The following CD2AP variants were observed in gnomAD, a reference collection of about 807,000 sequenced individuals.
CD2AP encodes CD2-associated protein.
In CD2AP, 46 loss-of-function variants were observed where a neutral mutation model predicts 85.1. The ratio of observed to expected loss-of-function variants is 0.54; its 90% CI spans 0.43 to 0.69. CD2AP has a LOEUF of 0.69. Ranked by LOEUF, CD2AP falls within the 30% of genes least tolerant of loss-of-function variation. The probability of loss-of-function intolerance (pLI) is 0.00; values close to 1 mark genes in which losing one functional copy is unlikely to be tolerated. For synonymous variants in CD2AP, 255 were observed against 252.9 expected, an observed-to-expected ratio of 1.01 and a Z score of -0.08; for missense variants, 769 against 729.5, an observed-to-expected ratio of 1.05 and a Z score of -0.62.
At position 47,624,168 on chromosome 6, in the gene CD2AP, T is replaced by A; in HGVS notation, c.1879-18T>A. Reference sequence around the variant, plus strand: ...TAAGGATATTTTATGTTTGCTCAATTTATGTTTTTTGTTTTAGATGGAAAT... The same window carrying A: ...TAAGGATATTTTATGTTTGCTCAATATATGTTTTTTGTTTTAGATGGAAAT... On this transcript the variant is annotated intron_variant, in intron 17 of 17. Transcript: ENST00000359314. 1.9e-6 allele frequency: 3 copies of A among 1,591,670 alleles called. No homozygotes were observed. Among genetic ancestry groups the A allele is most frequent in the Non-Finnish European group, 2.6e-6 (3 of 1,159,990 alleles).
chr6:47,489,911 A>G (rs966721141), intron 1 of CD2AP, among the ~76,000 whole-genome samples: 1 of 151,570 alleles, frequency 6.6e-6, no homozygotes, highest in Non-Finnish European at 1.5e-5. Flanking sequence ...TTAAATATTT[A>G]TCTTCTAAAA....
chr6:47,564,153 C>T (rs182739394), intron 5 of CD2AP, among the ~76,000 whole-genome samples: 350 of 152,190 alleles, frequency 2.3e-3, no homozygotes, highest in African/African-American at 7.3e-3. Context: ...AGAGAACATA[C>T]ATAAGTACCA....
At chr6:47,492,671 A>G (rs1284143737) in intron 1 of CD2AP, among the ~76,000 whole-genome samples, 3 of 151,970 alleles carry the variant, frequency 2.0e-5, no homozygotes, top group African/African-American at 7.2e-5. Flanking sequence ...TTATTGTTTT[A>G]ATAAATGTAA....
intron 11 of CD2AP, among the ~76,000 whole-genome samples, chr6:47,595,154 G>A (rs1164548396): frequency 2.0e-5 from 3 of 151,928 alleles, no homozygotes; most frequent in Non-Finnish European, 4.4e-5. Context: ...TGTAATAAAA[G>A]AGTACTTGTT....
intron 2 of CD2AP, among the ~76,000 whole-genome samples, chr6:47,505,498 C>A (rs1430032162): frequency 6.6e-6 from 1 of 150,500 alleles, no homozygotes; most frequent in Non-Finnish European, 1.5e-5. Flanking sequence ...TTCTATTCCA[C>A]AAAGCCGCCA....
chr6:47,607,141 C>A (rs763444448), intron 14 of CD2AP, among the ~76,000 whole-genome samples: 1 of 134,012 alleles, frequency 7.5e-6, no homozygotes, highest in Non-Finnish European at 1.6e-5. Context: ...GGATCTCATT[C>A]TTTTTTGTGA....
At chr6:47,606,726 A>G (rs1329785023) in intron 14 of CD2AP, among the ~76,000 whole-genome samples, 2 of 152,036 alleles carry the variant, frequency 1.3e-5, no homozygotes, top group African/African-American at 4.8e-5. Flanking sequence ...GGGTTATGTG[A>G]GATATTTTGA....
chr6:47,573,598 C>T (rs1768215943), intron 5 of CD2AP, among the ~76,000 whole-genome samples: 1 of 149,994 alleles, frequency 6.7e-6, no homozygotes, highest in Admixed American at 6.7e-5. Flanking sequence ...ACGCCATTCT[C>T]CTGCCTTAGC....
At chr6:47,528,153 G>A (rs1265513252) in intron 2 of CD2AP, among the ~76,000 whole-genome samples, 1 of 152,058 alleles carries the variant, frequency 6.6e-6, no homozygotes, top group Non-Finnish European at 1.5e-5. Context: ...CACAACTAAT[G>A]GCTGTTTGAG....
intron 11 of CD2AP, among the ~76,000 whole-genome samples, chr6:47,591,071 C>G (rs1204070351): frequency 6.6e-6 from 1 of 152,080 alleles, no homozygotes. Context: ...TGTTCAACAG[C>G]AAAAGAATGG....
chr6:47,583,992 T>C (rs375500716), intron 11 of CD2AP, among the ~76,000 whole-genome samples: 20 of 152,216 alleles, frequency 1.3e-4, no homozygotes, highest in African/African-American at 4.8e-4. Flanking sequence ...TTGTTTTCAG[T>C]TGCAATTCCG....
At chr6:47,580,593 C>T (rs1406120920) in intron 9 of CD2AP, among the ~76,000 whole-genome samples, 1 of 152,116 alleles carries the variant, frequency 6.6e-6, no homozygotes, top group African/African-American at 2.4e-5. Context: ...CATTTTTGCT[C>T]ATTAAGATTT....
intron 3 of CD2AP, among the ~76,000 whole-genome samples, chr6:47,542,719 A>T (rs929254602): frequency 6.6e-6 from 1 of 152,202 alleles, no homozygotes; most frequent in Non-Finnish European, 1.5e-5. Flanking sequence ...GTATTTTGTT[A>T]TAGCAGCACA....
chr6:47,491,656 AT>A (rs1459855559), intron 1 of CD2AP, among the ~76,000 whole-genome samples: 2 of 152,016 alleles, frequency 1.3e-5, no homozygotes, highest in African/African-American at 2.4e-5. Context: ...TTTTGAAGTG[AT>A]TTTTTATTGT....
At chr6:47,617,002 C>G (rs1401079230) in intron 17 of CD2AP, among the ~76,000 whole-genome samples, 1 of 152,142 alleles carries the variant, frequency 6.6e-6, no homozygotes, top group Non-Finnish European at 1.5e-5. Context: ...GGGAGTCACT[C>G]TGTCACCCAG....
intron 2 of CD2AP, among the ~76,000 whole-genome samples, chr6:47,522,896 T>C (rs749768109): frequency 6.6e-6 from 1 of 151,880 alleles, no homozygotes; most frequent in Non-Finnish European, 1.5e-5. Flanking sequence ...AAATTAGCAA[T>C]ATGAAGAATA....
chr6:47,487,461 C>T (rs12199950), intron 1 of CD2AP, among the ~76,000 whole-genome samples: 47,452 of 151,952 alleles, frequency 0.31, 8,538 homozygotes, highest in Middle Eastern at 0.52. Flanking sequence ...GAGGCCGAGG[C>T]GGACAGATCA....
At chr6:47,502,865 G>A (rs1766033302) in intron 1 of CD2AP, among the ~76,000 whole-genome samples, 1 of 152,082 alleles carries the variant, frequency 6.6e-6, no homozygotes, top group African/African-American at 2.4e-5. Flanking sequence ...GAGACATTAC[G>A]CCCTGCCATC....
intron 2 of CD2AP, among the ~76,000 whole-genome samples, chr6:47,504,129 GTAGTT>G (rs953564009): frequency 2.0e-5 from 3 of 152,106 alleles, no homozygotes; most frequent in African/African-American, 7.2e-5. Context: ...AAAATTCTCA[GTAGTT>G]TAGAGAAGAA....
Sources: gnomAD v4.1 joint callset for allele counts (sites outside exome capture counted in the v4.1 genomes callset) on GRCh38, gnomAD v4.1.1 for gene constraint, MANE v1.5 for transcripts, NCBI Gene and HGNC (gene_info 2026-07-23, HGNC 2026-07-21) for gene names.